Variants in DUT observed in about 807,000 individuals in gnomAD.
The protein encoded by DUT is deoxyuridine 5'-triphosphate nucleotidohydrolase, mitochondrial.
Under a neutral mutation model 28.8 loss-of-function variants are expected in DUT, and 21 were observed. The observed-to-expected ratio is 0.73, with a 90% CI of 0.52 to 1.05. The LOEUF (loss-of-function observed/expected upper bound fraction) is 1.05, where lower values mean the gene tolerates loss of function less well. DUT is among the 50% of genes least tolerant of loss of function. The probability of loss-of-function intolerance (pLI) is 0.00; values close to 1 mark genes in which losing one functional copy is unlikely to be tolerated. For missense variants in DUT, 344 were observed against 351.8 expected (o/e 0.98, Z 0.18); for synonymous variants, 147 against 143.7 (o/e 1.02, Z -0.17).
chr15:48,341,990 A>T, intron 6 of DUT, 32 bp from the exon 7 acceptor site: 1 of 1,544,542 alleles, frequency 6.5e-7, no homozygotes, highest in Non-Finnish European at 8.7e-7. Context: ...CTTAAAAAAA[A>T]CTGTGAAGCT....
chr15:48,331,999 C>T, intron 1 of DUT: 1 of 914,354 alleles, frequency 1.1e-6, no homozygotes, highest in Non-Finnish European at 1.5e-6. Flanking sequence ...GTTGGCCCCA[C>T]GCGCTGAATG....
At chr15:48,339,190 T>C (rs185233578) in intron 4 of DUT, among the ~76,000 whole-genome samples, 426 of 152,254 alleles carry the variant, frequency 2.8e-3, no homozygotes, top group Middle Eastern at 0.014. Context: ...AACATTTACA[T>C]ATATTAATCT....
chr15:48,341,743 T>C, intron 6 of DUT, 158 bp downstream of exon 6: 1 of 678,118 alleles, frequency 1.5e-6, no homozygotes, highest in South Asian at 2.2e-5. Flanking sequence ...AGAATTTCTT[T>C]AAATGTTTTT....
At chr15:48,341,626 A>T in intron 6 of DUT, 41 bp downstream of exon 6, 1 of 1,455,232 alleles carries the variant, frequency 6.9e-7, no homozygotes. Context: ...GTAATATAAC[A>T]TCTTAAGTGA....
At position 48,331,727 on chromosome 15, in the gene DUT, G is replaced by A; in HGVS notation, c.212G>A (p.Ser71Asn). The A allele has an allele frequency of 6.8e-7, 1 of 1,475,842 alleles. No individual in the cohort carries two copies. Among genetic ancestry groups the A allele is most frequent in the Non-Finnish European group, 9.0e-7 (1 of 1,114,188 alleles). 91.4% of individuals were successfully genotyped at this position (1,475,842 alleles called of 1,614,324 possible). ...GRLSQGCRGASTVGAAGWKGE... is the reference protein window; with the variant it reads ...GRLSQGCRGANTVGAAGWKGE... ...CTGAGCCAAGGCTGCCGCGGAGCCAGTACAGTCGGGGCCGCTGGCTGGAAG... is the reference window on the plus strand; with the variant it reads ...CTGAGCCAAGGCTGCCGCGGAGCCAATACAGTCGGGGCCGCTGGCTGGAAG... Residue 71 changes from serine (S) to asparagine (N), a missense_variant, in exon 1 of 7, where the codon AGT (serine) becomes AAT (asparagine). Ser to Asn is a conservative substitution (Grantham distance 46, BLOSUM62 1). Transcript: ENST00000331200.
At chr15:48,339,240 A>C (rs1597484395) in intron 4 of DUT, among the ~76,000 whole-genome samples, 3 of 152,242 alleles carry the variant, frequency 2.0e-5, no homozygotes, top group Admixed American at 2.0e-4. Context: ...TATGTAAGAT[A>C]TATTTCTGTA....
intron 2 of DUT, among the ~76,000 whole-genome samples, 172 bp from the exon 3 acceptor site, chr15:48,334,245 T>C (rs1597480473): frequency 6.6e-6 from 1 of 152,232 alleles, no homozygotes; most frequent in Non-Finnish European, 1.5e-5. Flanking sequence ...ACCTTCTTCA[T>C]AAACTTTTAA....
At chr15:48,339,625 T>C (rs2042511036) in intron 4 of DUT, among the ~76,000 whole-genome samples, 2 of 152,182 alleles carry the variant, frequency 1.3e-5, no homozygotes, top group Admixed American at 1.3e-4. Context: ...TGTAAATTAA[T>C]GGTCAACTGA....
chr15:48,335,439 T>C (rs1180407664), intron 3 of DUT, among the ~76,000 whole-genome samples: 1 of 152,216 alleles, frequency 6.6e-6, no homozygotes, highest in East Asian at 1.9e-4. Flanking sequence ...TTAACTGATA[T>C]TAGCCCATTT....
rs1180435077 is a variant in DUT, at chr15:48,331,796, G to A, written c.280+1G>A. 2.2e-6 allele frequency: 3 copies of A among 1,369,684 alleles called. No individual in the cohort carries two copies. The highest frequency in any genetic ancestry group is 2.8e-6 in the Non-Finnish European group (3 of 1,067,570). The allele number at this position is 1,369,684 out of a possible 1,614,324, so 84.8% of individuals were successfully genotyped here. On this transcript the variant is annotated splice_donor_variant, in intron 1 of 6. Coordinates refer to ENST00000331200, the MANE Select transcript of DUT (RefSeq NM_001025248.2). LOFTEE classifies it high-confidence loss of function. ...GGGGGAAGCCCGGCGCCGGGGCCGG[G>A]TAGGAAAGGCGGGGGAGGGGCTCCG...
intron 6 of DUT, 154 bp downstream of exon 6, chr15:48,341,739 T>G (rs1188148781): frequency 2.9e-6 from 2 of 686,016 alleles, no homozygotes. Context: ...TTTTAGAATT[T>G]CTTTAAATGT....
upstream of DUT, chr15:48,331,200 G>C (rs2042401929): frequency 6.6e-7 from 1 of 1,519,886 alleles, no homozygotes; most frequent in African/African-American, 1.4e-5. Flanking sequence ...AGGTAAATCA[G>C]TCCAGGAGCA....
intron 2 of DUT, 70 bp from the exon 3 acceptor site, chr15:48,334,347 G>T: frequency 2.9e-6 from 3 of 1,047,450 alleles, no homozygotes; most frequent in South Asian, 1.9e-5. Flanking sequence ...TTGTATGCTT[G>T]GTCACAAAGA....
At chr15:48,331,281 G>A, upstream of DUT, 19 of 1,453,236 alleles carry the variant, frequency 1.3e-5, no homozygotes, top group Non-Finnish European at 1.7e-5. Flanking sequence ...AAGCAAGAGG[G>A]CTAGGCAGCC....
chr15:48,332,572 A>C (rs1301334424), intron 2 of DUT, 166 bp downstream of exon 2: 1 of 736,180 alleles, frequency 1.4e-6, no homozygotes, highest in Non-Finnish European at 2.2e-6. Flanking sequence ...AATTAAATAG[A>C]GATTTGGGCA....
At chr15:48,333,411 C>T (rs1223184875) in intron 2 of DUT, among the ~76,000 whole-genome samples, 2 of 152,076 alleles carry the variant, frequency 1.3e-5, no homozygotes, top group Non-Finnish European at 2.9e-5. Flanking sequence ...TTCTTGAGTC[C>T]TAGGGGAGTC....
At chr15:48,341,440 T>TTAA in intron 5 of DUT, 75 bp from the exon 6 acceptor site, 1 of 1,550,900 alleles carries the variant, frequency 6.4e-7, no homozygotes, top group Non-Finnish European at 8.9e-7. Context: ...ATTGACTCCT[T>TTAA]TAATTCTCAT....
intron 2 of DUT, 123 bp downstream of exon 2, chr15:48,332,529 G>C (rs1597479095): frequency 2.1e-6 from 2 of 963,784 alleles, no homozygotes; most frequent in Non-Finnish European, 3.0e-6. Context: ...TGCCTTTTTC[G>C]TGTTTAAAAT....
intron 4 of DUT, among the ~76,000 whole-genome samples, chr15:48,337,740 G>A (rs999178328): frequency 1.3e-5 from 2 of 152,204 alleles, no homozygotes; most frequent in African/African-American, 4.8e-5. Context: ...AAATCACATT[G>A]TGGTGTGTTC....
Sources: gnomAD v4.1 joint callset for allele counts (sites outside exome capture counted in the v4.1 genomes callset) on GRCh38, gnomAD v4.1.1 for gene constraint, MANE v1.5 for transcripts, NCBI Gene and HGNC (gene_info 2026-07-23, HGNC 2026-07-21) for gene names.